Variants in RGS6 observed in about 807,000 individuals in gnomAD.
RGS6 encodes regulator of G protein signaling 6.
In RGS6, 30 loss-of-function variants were observed where a neutral mutation model predicts 78.5. The observed-to-expected ratio is 0.38, with a 90% CI of 0.29 to 0.52. The LOEUF is 0.52. Ranked by LOEUF, RGS6 falls within the 20% of genes least tolerant of loss-of-function variation. RGS6 has a pLI of 0.85. For synonymous variants in RGS6, 206 were observed against 206.0 expected (o/e 1.00, Z 0.00); for missense variants, 495 against 609.7 (o/e 0.81, Z 1.98).
At chr14:72,079,357 T>G (rs2094720799) in intron 2 of RGS6, among the ~76,000 whole-genome samples, 1 of 152,192 alleles carries the variant, frequency 6.6e-6, no homozygotes, top group South Asian at 2.1e-4. Flanking sequence ...ATCATATATT[T>G]ATTTTTATAA....
At chr14:72,603,105 C>A in the RGS6 span, among the ~76,000 whole-genome samples, 2 of 151,960 alleles carry the variant, frequency 1.3e-5, no homozygotes, top group South Asian at 2.1e-4. Flanking sequence ...TTTTCAGGGC[C>A]CTTTATGAGC....
At chr14:71,920,304 AC>A in the RGS6 span, among the ~76,000 whole-genome samples, 1 of 152,218 alleles carries the variant, frequency 6.6e-6, no homozygotes, top group Admixed American at 6.5e-5. Flanking sequence ...TAAAGGCTCT[AC>A]TTTTGGCCAC....
intron 13 of RGS6, among the ~76,000 whole-genome samples, chr14:72,504,471 C>A (rs114455388): frequency 1.0e-3 from 159 of 152,318 alleles, no homozygotes; most frequent in African/African-American, 3.7e-3. Flanking sequence ...CAGCCAAATT[C>A]TTTGCCACTT....
chr14:72,475,352 TC>T (rs2096212963), intron 10 of RGS6, among the ~76,000 whole-genome samples: 1 of 151,604 alleles, frequency 6.6e-6, no homozygotes, highest in African/African-American at 2.4e-5. Context: ...ATGCTCAGAC[TC>T]CCCCACGATT....
the RGS6 span, among the ~76,000 whole-genome samples, chr14:71,878,060 A>G: frequency 6.6e-6 from 1 of 152,322 alleles, no homozygotes; most frequent in East Asian, 1.9e-4. Context: ...TCAGAGGGGC[A>G]TCTGGCTGTA....
At chr14:72,200,001 C>T (rs2153734715) in intron 2 of RGS6, among the ~76,000 whole-genome samples, 1 of 152,298 alleles carries the variant, frequency 6.6e-6, no homozygotes, top group East Asian at 1.9e-4. Context: ...TCTGACAGTG[C>T]CCTAGGACCC....
chr14:72,173,990 C>A (rs1015490214), intron 2 of RGS6, among the ~76,000 whole-genome samples: 1 of 152,000 alleles, frequency 6.6e-6, no homozygotes, highest in Non-Finnish European at 1.5e-5. Flanking sequence ...ACTGGCAGAC[C>A]CCTTTCCTGC....
At chr14:72,035,707 A>G (rs2091596991) in intron 2 of RGS6, among the ~76,000 whole-genome samples, 1 of 152,144 alleles carries the variant, frequency 6.6e-6, no homozygotes, top group African/African-American at 2.4e-5. Flanking sequence ...CATGCCCAAG[A>G]AAAACATGGG....
intron 2 of RGS6, among the ~76,000 whole-genome samples, chr14:72,085,542 G>A (rs2094994129): frequency 6.6e-6 from 1 of 152,018 alleles, no homozygotes; most frequent in Non-Finnish European, 1.5e-5. Flanking sequence ...TTGGGGCTGT[G>A]CTTCATAGCA....
intron 3 of RGS6, among the ~76,000 whole-genome samples, chr14:72,428,281 G>A (rs930068649): frequency 5.3e-5 from 8 of 152,106 alleles, no homozygotes; most frequent in Admixed American, 1.3e-4. Flanking sequence ...CATTTCTAAC[G>A]GCAAAGTTAC....
In RGS6 at chr14:72,170,863, C is replaced by A. The variant is rs113268446; in HGVS notation, c.85-181232C>A. Among the ~76,000 whole-genome samples the A allele has an allele frequency of 4.4e-3, 670 of 152,182 alleles. 2 individuals are homozygous for A. Among genetic ancestry groups the A allele is most frequent in the African/African-American group, 0.015 (628 of 41,510 alleles). Reference sequence around the variant, plus strand: ...ATTTTTCCCTATGGATCTGGAGATACAGGGTATTAACAAGATGGATGAGTT... The same window carrying A: ...ATTTTTCCCTATGGATCTGGAGATAAAGGGTATTAACAAGATGGATGAGTT... On this transcript the variant is annotated intron_variant, in intron 2 of 17. Coordinates refer to ENST00000553525, the MANE Select transcript of RGS6 (RefSeq NM_001204424.2).
chr14:72,284,993 C>A (rs2152281144), intron 2 of RGS6, among the ~76,000 whole-genome samples: 1 of 152,306 alleles, frequency 6.6e-6, no homozygotes, highest in East Asian at 1.9e-4. Flanking sequence ...TCATTTTGGC[C>A]AATTTCTCCC....
chr14:71,962,566 G>A (rs2093277835), intron 1 of RGS6, among the ~76,000 whole-genome samples: 1 of 152,102 alleles, frequency 6.6e-6, no homozygotes, highest in Admixed American at 6.5e-5. Flanking sequence ...ACTGTGTGTT[G>A]TTCATTTAAT....
At chr14:72,370,057 A>G (rs919252627) in intron 3 of RGS6, among the ~76,000 whole-genome samples, 1 of 152,158 alleles carries the variant, frequency 6.6e-6, no homozygotes, top group African/African-American at 2.4e-5. Flanking sequence ...ATACATTTAT[A>G]TAATCAAAAT....
At chr14:72,149,118 C>G (rs2096647365) in intron 2 of RGS6, among the ~76,000 whole-genome samples, 1 of 152,174 alleles carries the variant, frequency 6.6e-6, no homozygotes, top group African/African-American at 2.4e-5. Context: ...CGAACTTGAG[C>G]AGGGGTTGTG....
intron 1 of RGS6, among the ~76,000 whole-genome samples, chr14:71,958,311 C>T (rs778055889): frequency 6.6e-6 from 1 of 152,168 alleles, no homozygotes; most frequent in African/African-American, 2.4e-5. Flanking sequence ...ATTTTAGTTG[C>T]TTGGCTGACA....
intron 2 of RGS6, among the ~76,000 whole-genome samples, chr14:72,200,179 A>C (rs1283339126): frequency 2.0e-5 from 3 of 152,220 alleles, no homozygotes; most frequent in Non-Finnish European, 4.4e-5. Context: ...AATCTAGTCT[A>C]TTCTCAACAT....
intron 3 of RGS6, among the ~76,000 whole-genome samples, chr14:72,429,112 G>A (rs373664215): frequency 4.6e-5 from 7 of 152,300 alleles, no homozygotes; most frequent in Middle Eastern, 3.4e-3. Flanking sequence ...TGAGGCACAA[G>A]AATTGCTTGA....
chr14:72,182,532 G>A lies in RGS6; in HGVS notation c.85-169563G>A, dbSNP rs574497545. Among the ~76,000 whole-genome samples the A allele has an allele frequency of 2.0e-3, 303 of 152,152 alleles. 1 individual carries two copies. Among genetic ancestry groups the A allele is most frequent in the African/African-American group, 6.8e-3 (281 of 41,506 alleles). The stretch of plus-strand genomic sequence containing the variant: ...GGTTGCACTCCTTGCACTCCGTAGT[G>A]CAACCCAATAGCACCATGGCTTTTT... On this transcript the variant is annotated intron_variant, in intron 2 of 17. Coordinates refer to ENST00000553525, the MANE Select transcript of RGS6 (RefSeq NM_001204424.2).
Sources: gnomAD v4.1 joint callset for allele counts (sites outside exome capture counted in the v4.1 genomes callset) on GRCh38, gnomAD v4.1.1 for gene constraint, MANE v1.5 for transcripts, NCBI Gene and HGNC (gene_info 2026-07-23, HGNC 2026-07-21) for gene names.